The following XIRP2 variants were observed in gnomAD, a reference collection of about 807,000 sequenced individuals.
The protein encoded by XIRP2 is xin actin binding repeat containing 2.
Under a neutral mutation model 277.0 loss-of-function variants are expected in XIRP2, and 236 were observed. The observed-to-expected ratio is 0.85, with a 90% CI of 0.77 to 0.95. The LOEUF is 0.95. Ranked by LOEUF, XIRP2 falls within the 40% of genes least tolerant of loss-of-function variation. The pLI is 0.00. For synonymous variants in XIRP2, 1,490 were observed against 1,416.5 expected, an observed-to-expected ratio of 1.05 and a Z score of -1.17; for missense variants, 4,640 against 4,157.5, an observed-to-expected ratio of 1.12 and a Z score of -3.19.
In XIRP2 at chr2:167,254,053, G is replaced by A. The variant is rs1473025678; in HGVS notation, c.10577G>A (p.Gly3526Glu). The A allele has an allele frequency of 5.6e-6, 9 of 1,595,544 alleles. No individual in the cohort carries two copies. The highest frequency in any genetic ancestry group is 7.7e-6 in the Non-Finnish European group (9 of 1,170,848). Residue 3526 changes from glycine to glutamate, a missense_variant, in exon 10 of 11, where the codon GGA becomes GAA. Coordinates refer to ENST00000409195, the MANE Select transcript of XIRP2 (RefSeq NM_152381.6). ...FISEAAAPRQ[G>E]NMYTLSKDSL... ...TTAGAAGCTGCTGCTCCAAGACAAG[G>A]AAATATGTATACTTTGTCAAAAGAC...
intron 3 of XIRP2, among the ~76,000 whole-genome samples, chr2:167,148,511 G>A (rs1426100476): frequency 6.7e-6 from 1 of 150,208 alleles, no homozygotes; most frequent in Non-Finnish European, 1.5e-5. Flanking sequence ...AAGGGAGGGA[G>A]GGAGGGAAAG....
intron 3 of XIRP2, among the ~76,000 whole-genome samples, chr2:167,145,787 T>G (rs1691847883): frequency 6.6e-6 from 1 of 152,174 alleles, no homozygotes; most frequent in Admixed American, 6.5e-5. Flanking sequence ...TGTAGATTCT[T>G]TATGTTGCAG....
At chr2:166,933,586 A>C (rs1685410646) in intron 2 of XIRP2, among the ~76,000 whole-genome samples, 1 of 152,096 alleles carries the variant, frequency 6.6e-6, no homozygotes, top group Non-Finnish European at 1.5e-5. Flanking sequence ...CTCAAAAAAA[A>C]AAAATTGATA....
At chr2:166,899,938 G>T (rs776612588) in intron 1 of XIRP2, among the ~76,000 whole-genome samples, 1 of 151,932 alleles carries the variant, frequency 6.6e-6, no homozygotes, top group Non-Finnish European at 1.5e-5. Flanking sequence ...TCTACAATTG[G>T]AATAAAACTG....
chr2:167,166,704 C>T (rs1692529728), intron 3 of XIRP2, among the ~76,000 whole-genome samples: 2 of 152,088 alleles, frequency 1.3e-5, no homozygotes, highest in African/African-American at 4.8e-5. Flanking sequence ...CATGTGAACT[C>T]ACAGCAAGAA....
chr2:167,172,885 A>G (rs549736516), intron 3 of XIRP2, among the ~76,000 whole-genome samples: 100 of 152,364 alleles, frequency 6.6e-4, no homozygotes, highest in African/African-American at 2.3e-3. Context: ...ATAGGAAATC[A>G]CAAGAGTATT....
chr2:167,130,034 A>G (rs767143984), intron 2 of XIRP2, among the ~76,000 whole-genome samples: 1 of 151,832 alleles, frequency 6.6e-6, no homozygotes, highest in Non-Finnish European at 1.5e-5. Context: ...TAAGCGAGAG[A>G]CTCCACCAGT....
At chr2:167,205,808 T>C (rs1465675171) in intron 3 of XIRP2, among the ~76,000 whole-genome samples, 1 of 152,182 alleles carries the variant, frequency 6.6e-6, no homozygotes, top group Non-Finnish European at 1.5e-5. Flanking sequence ...TCTGATTATT[T>C]CTATGACTAA....
At chr2:167,110,139 T>C (rs1485983836) in intron 2 of XIRP2, among the ~76,000 whole-genome samples, 1 of 152,230 alleles carries the variant, frequency 6.6e-6, no homozygotes, top group East Asian at 1.9e-4. Context: ...TTTACTCTGT[T>C]GATAGTTTCT....
At chr2:167,131,073 T>C (rs912139809) in intron 2 of XIRP2, among the ~76,000 whole-genome samples, 1 of 152,134 alleles carries the variant, frequency 6.6e-6, no homozygotes, top group Non-Finnish European at 1.5e-5. Context: ...TTCATTAGAC[T>C]TTGCATCATA....
At chr2:167,026,191 T>A (rs536602404) in intron 2 of XIRP2, among the ~76,000 whole-genome samples, 3 of 152,204 alleles carry the variant, frequency 2.0e-5, no homozygotes, top group Non-Finnish European at 4.4e-5. Flanking sequence ...GTTGAATTGA[T>A]CCCTTTACCA....
At chr2:166,974,562 T>C (rs761434925) in intron 2 of XIRP2, among the ~76,000 whole-genome samples, 1 of 151,986 alleles carries the variant, frequency 6.6e-6, no homozygotes, top group Admixed American at 6.6e-5. Flanking sequence ...AAAATTTCCC[T>C]GAAGATATAT....
chr2:167,111,861 C>T (rs1473033224), intron 2 of XIRP2, among the ~76,000 whole-genome samples: 1 of 151,404 alleles, frequency 6.6e-6, no homozygotes, highest in Admixed American at 6.6e-5. Flanking sequence ...TTATTGGTCT[C>T]TCACTTTCTT....
At chr2:166,938,752 GGAATTGCTTTAT>G (rs1167817971) in intron 2 of XIRP2, among the ~76,000 whole-genome samples, 1 of 152,156 alleles carries the variant, frequency 6.6e-6, no homozygotes, top group Admixed American at 6.5e-5. Context: ...AGGTCTCTAA[GGAATTGCTTTAT>G]GAATCTGGGT....
intron 3 of XIRP2, among the ~76,000 whole-genome samples, chr2:167,209,947 C>T (rs1034773625): frequency 3.9e-5 from 6 of 152,032 alleles, no homozygotes; most frequent in Admixed American, 1.3e-4. Context: ...CTTACAACTG[C>T]TATTCTGTGA....
chr2:166,938,608 G>T (rs145776731), intron 2 of XIRP2, among the ~76,000 whole-genome samples: 9 of 152,256 alleles, frequency 5.9e-5, no homozygotes, highest in African/African-American at 2.2e-4. Flanking sequence ...ATGTCTATTA[G>T]GTCTGCTTGA....
intron 2 of XIRP2, among the ~76,000 whole-genome samples, chr2:167,064,747 A>G (rs929930011): frequency 3.9e-5 from 6 of 151,932 alleles, no homozygotes; most frequent in Admixed American, 1.3e-4. Context: ...AAGTGAGGTC[A>G]CACAGCATTT....
At chr2:167,111,811 G>A (rs1690764391) in intron 2 of XIRP2, among the ~76,000 whole-genome samples, 2 of 152,014 alleles carry the variant, frequency 1.3e-5, no homozygotes, top group Admixed American at 6.6e-5. Context: ...GGCTTTTCTG[G>A]TTGGTAGGCT....
intron 2 of XIRP2, among the ~76,000 whole-genome samples, chr2:167,022,718 C>A (rs371663708): frequency 3.3e-5 from 5 of 151,798 alleles, no homozygotes; most frequent in African/African-American, 7.3e-5. Flanking sequence ...TTTGTCCTTG[C>A]GGTAGTTTAC....
Sources: allele counts gnomAD v4.1 joint callset (sites outside exome capture counted in the v4.1 genomes callset), GRCh38; gene constraint gnomAD v4.1.1; transcripts MANE v1.5; gene names NCBI Gene and HGNC (gene_info 2026-07-23, HGNC 2026-07-21).